WEE2: variants seen among roughly 807,000 people sequenced by gnomAD.
The protein encoded by WEE2 is wee1-like protein kinase 2.
WEE2 carries 50 observed loss-of-function variants against 60.1 expected under a neutral mutation model. The ratio of observed to expected loss-of-function variants is 0.83; its 90% CI spans 0.66 to 1.05. The LOEUF (loss-of-function observed/expected upper bound fraction) is 1.05. Among genes scored for constraint, WEE2 ranks in the 50% least tolerant of loss-of-function variants. WEE2 has a pLI of 0.00. For missense variants in WEE2, 631 were observed against 684.3 expected (o/e 0.92, Z 0.87); for synonymous variants, 240 against 241.0 (o/e 1.00, Z 0.04).
At chr7:141,721,691 T>C (rs1798914376) in intron 5 of WEE2, among the ~76,000 whole-genome samples, 1 of 152,120 alleles carries the variant, frequency 6.6e-6, no homozygotes, top group Non-Finnish European at 1.5e-5. Flanking sequence ...CTTGAACTCC[T>C]GACCTCAGGT....
chr7:141,711,320 GAA>G lies in WEE2; in HGVS notation c.342+2222_342+2223del, dbSNP rs1798708021. 6.6e-6 allele frequency among the ~76,000 whole-genome samples: 1 copy of G among 152,192 alleles called. No homozygotes were observed. Among genetic ancestry groups the G allele is most frequent in the Admixed American group, 6.5e-5 (1 of 15,274 alleles). ...AGTAAGGAGAGAAGTGGCCCAGTTA[GAA>G]ATCTTGGATAATGCATTTAAGGGAG... On this transcript the variant is annotated intron_variant, in intron 1 of 11. Coordinates refer to ENST00000397541, the MANE Select transcript of WEE2 (RefSeq NM_001105558.1). This position sits in a 1 kb window ranked among gnomAD's most constrained non-coding sequence, Gnocchi z 4.2.
intron 4 of WEE2, 91 bp downstream of exon 4, chr7:141,719,335 T>C: frequency 8.4e-7 from 1 of 1,194,390 alleles, no homozygotes. Context: ...ACCGATGTCA[T>C]TAAAAATCAT....
intron 10 of WEE2, among the ~76,000 whole-genome samples, chr7:141,728,794 A>G (rs1290806211): frequency 6.6e-6 from 1 of 152,222 alleles, no homozygotes; most frequent in East Asian, 1.9e-4. Context: ...GCCTCCCATC[A>G]GATCAGTGGT....
In WEE2 at chr7:141,724,170, T is replaced by C. The variant is rs770392359; in HGVS notation, c.1136-20T>C. On this transcript the variant is annotated intron_variant, in intron 7 of 11. Coordinates refer to ENST00000397541, the MANE Select transcript of WEE2 (RefSeq NM_001105558.1). ...CTCTTTTGTTCGATTTTATTCTTTT[T>C]TCCTTTTTCTTTTTTTTAGGTGACC... 14 of 1,595,764 alleles carry C rather than the reference T, an allele frequency of 8.8e-6. No individual in the cohort carries two copies. The highest frequency in any genetic ancestry group is 2.2e-5 in the East Asian group (1 of 44,798).
At position 141,726,267 on chromosome 7, in the gene WEE2, TTTTTTA is replaced by T. The variant is rs1050079549; in HGVS notation, c.1393-1019_1393-1014del. Among the ~76,000 whole-genome samples, 18 of 152,234 alleles carry T rather than the reference TTTTTTA, an allele frequency of 1.2e-4. No individual in the cohort carries two copies. The South Asian group carries it at 1.2e-3, about 11-fold the overall frequency. The stretch of plus-strand genomic sequence containing the variant: ...TATCTACTTCCTTGGAGATTAGATT[TTTTTTA>T]TTTTTATTTTTATTTTTTATTTTTT... On this transcript the variant is annotated intron_variant, in intron 9 of 11. Coordinates refer to ENST00000397541, the MANE Select transcript of WEE2 (RefSeq NM_001105558.1).
intron 2 of WEE2, among the ~76,000 whole-genome samples, chr7:141,715,437 C>T (rs1798778569): frequency 6.6e-6 from 1 of 152,066 alleles, no homozygotes; most frequent in Non-Finnish European, 1.5e-5. Flanking sequence ...GGTACTAAAT[C>T]ACAAATACCA....
intron 11 of WEE2, among the ~76,000 whole-genome samples, chr7:141,730,091 G>GA (rs1799112389): frequency 6.7e-6 from 1 of 150,228 alleles, no homozygotes; most frequent in Non-Finnish European, 1.5e-5. Context: ...CTTATAAAAT[G>GA]AAAAAATTAG....
chr7:141,727,408 G>A lies in WEE2; in HGVS notation c.1497G>A (p.Gln499=), dbSNP rs750440878. 6.2e-7 allele frequency: 1 copy of A among 1,614,066 alleles called. No homozygotes were observed. Among genetic ancestry groups the A allele is most frequent in the African/African-American group, 1.3e-5 (1 of 74,910 alleles). Residue 499 remains glutamine, a synonymous_variant, in exon 10 of 12, where the codon CAG becomes CAA. Coordinates refer to ENST00000397541, the MANE Select transcript of WEE2 (RefSeq NM_001105558.1). The part of the protein sequence containing the change: ...SLGKTEELQQ[Q]LNLEKFKTAT... ...GAAAAACAGAAGAGCTCCAACAGCA[G>A]CTGAATTTGGAAAAGTTCAAGACTG...
intron 2 of WEE2, among the ~76,000 whole-genome samples, chr7:141,715,035 C>T (rs946328928): frequency 6.6e-6 from 1 of 152,164 alleles, no homozygotes; most frequent in African/African-American, 2.4e-5. Flanking sequence ...GTGGGGCAGT[C>T]ATTTATGTTC....
Position 141,723,986 on chromosome 7 carries a change from T to C in WEE2, c.1073T>C (p.Val358Ala), listed in dbSNP as rs775224888. The change falls in exon 7 of 12, where the codon GTC becomes GCC. Residue 358 changes from valine to alanine, a missense_variant. By Grantham distance (64) the Val-to-Ala change is moderately conservative. Coordinates refer to ENST00000397541, the MANE Select transcript of WEE2 (RefSeq NM_001105558.1). ...CHKMQSESSG[V>A]IEEVENEADW... ...AAGATGCAAAGTGAATCCTCTGGAG[T>C]CATAGAAGAAGTTGAAAATGAAGCT... 1 of 1,612,954 alleles carries C rather than the reference T, an allele frequency of 6.2e-7. No individual in the cohort carries two copies. Among genetic ancestry groups the C allele is most frequent in the Non-Finnish European group, 8.5e-7 (1 of 1,179,670 alleles).
intron 3 of WEE2, 103 bp from the exon 4 acceptor site, chr7:141,718,969 C>G: frequency 8.9e-7 from 1 of 1,129,544 alleles, no homozygotes. Flanking sequence ...CCTCAAAAGT[C>G]TTTTTGAAAA....
chr7:141,718,842 G>A (rs1031374898), intron 3 of WEE2, among the ~76,000 whole-genome samples: 1 of 152,078 alleles, frequency 6.6e-6, no homozygotes, highest in African/African-American at 2.4e-5. Flanking sequence ...AAAAATAAGT[G>A]AGAATTGTCA....
chr7:141,715,655 A>G (rs1261008551), intron 2 of WEE2, among the ~76,000 whole-genome samples: 1 of 152,148 alleles, frequency 6.6e-6, no homozygotes, highest in Admixed American at 6.5e-5. Context: ...ATTCTGCCCT[A>G]CTTGCAGTCT....
chr7:141,730,404 C>T lies in WEE2; in HGVS notation c.*84C>T. ...GATTCCCCACCAAAGATCCCAGGGA[C>T]TCGTTGTACATAGAAAGGAATAGAA... On this transcript the variant is annotated 3_prime_UTR_variant, in exon 12 of 12. Transcript: ENST00000397541. 8.0e-7 allele frequency: 1 copy of T among 1,250,316 alleles called. No homozygotes were observed. The highest frequency in any genetic ancestry group is 1.3e-5 in the South Asian group (1 of 78,950). The allele number at this position is 1,250,316 out of a possible 1,614,324, so 77.5% of individuals were successfully genotyped here. A position where few individuals can be genotyped will look rare whatever the true frequency, so the allele number is the denominator to read the frequency against.
chr7:141,727,540 A>G (rs897166947), intron 10 of WEE2, 94 bp downstream of exon 10: 20 of 1,475,974 alleles, frequency 1.4e-5, no homozygotes, highest in Non-Finnish European at 1.8e-5. Context: ...GGATTCAAGT[A>G]TAAATATATT....
In WEE2 at chr7:141,712,361, A is replaced by C. The variant is rs35562431; in HGVS notation, c.343-1848A>C. Among the ~76,000 whole-genome samples, 512 of 152,196 alleles carry C rather than the reference A, an allele frequency of 3.4e-3. 6 individuals are homozygous for C. The highest frequency in any genetic ancestry group is 4.5e-3 in the Non-Finnish European group (303 of 67,996). ...TCATAAGTCAAGTAGCTATCCCCCA[A>C]ATTTCCCTTATCTCCCTCAATCATC... is the stretch of plus-strand genomic sequence containing the variant. On this transcript the variant is annotated intron_variant, in intron 1 of 11. Coordinates refer to ENST00000397541, the MANE Select transcript of WEE2 (RefSeq NM_001105558.1).
Position 141,723,921 on chromosome 7 carries a change from T to C in WEE2, c.1028-20T>C. ...GCTTAGAAGTCATTACTTACATCTA[T>C]CCTGTCATTTTTTTTTCAGGTAATA... is the stretch of plus-strand genomic sequence containing the variant. On this transcript the variant is annotated intron_variant, in intron 6 of 11. Transcript: ENST00000397541. 1.3e-6 allele frequency: 2 copies of C among 1,517,322 alleles called. No homozygotes were observed. Among genetic ancestry groups the C allele is most frequent in the East Asian group, 2.3e-5 (1 of 44,342 alleles). 94.0% of individuals were successfully genotyped at this position (1,517,322 alleles called of 1,614,324 possible). A position where few individuals can be genotyped will look rare whatever the true frequency, so the allele number is the denominator to read the frequency against.
intron 1 of WEE2, among the ~76,000 whole-genome samples, chr7:141,712,831 T>C (rs1310070903): frequency 6.6e-6 from 1 of 152,196 alleles, no homozygotes; most frequent in Non-Finnish European, 1.5e-5. Flanking sequence ...ATAATCAGCA[T>C]TACAAAAAAC....
At chr7:141,714,022 G>C (rs1218741763) in intron 1 of WEE2, among the ~76,000 whole-genome samples, 187 bp from the exon 2 acceptor site, 1 of 152,152 alleles carries the variant, frequency 6.6e-6, no homozygotes, top group Non-Finnish European at 1.5e-5. Context: ...AATATCTAGA[G>C]GTAGAGACTG....
Sources: gnomAD v4.1 joint callset for allele counts (sites outside exome capture counted in the v4.1 genomes callset) on GRCh38, gnomAD v4.1.1 for gene constraint, Gnocchi (gnomAD v3.1) non-coding constraint, MANE v1.5 for transcripts, NCBI Gene and HGNC (gene_info 2026-07-23, HGNC 2026-07-21) for gene names.